Variants in ADRA1A observed in about 807,000 individuals in gnomAD.
ADRA1A encodes adrenoceptor alpha 1A, also known as alpha-1A adrenergic receptor.
A neutral mutation model predicts 29.6 loss-of-function variants in ADRA1A; 31 were observed. The observed-to-expected ratio is 1.05, with a 90% confidence interval of 0.79 to 1.41. The LOEUF (loss-of-function observed/expected upper bound fraction) is 1.41, where lower values mean the gene tolerates loss of function less well. ADRA1A is among the 40% of genes most tolerant of loss of function. The pLI is 0.00. For missense variants in ADRA1A, 619 were observed against 601.1 expected, an observed-to-expected ratio of 1.03 and a Z score of -0.31; for synonymous variants, 311 against 254.3, an observed-to-expected ratio of 1.22 and a Z score of -2.12.
chr8:26,859,079 C>A, intron 2 of ADRA1A: 1 of 1,283,950 alleles, frequency 7.8e-7, no homozygotes, highest in Non-Finnish European at 1.0e-6. Context: ...TTTCACTTCT[C>A]AGCTGTGGAT....
intron 2 of ADRA1A, among the ~76,000 whole-genome samples, chr8:26,811,255 C>G (rs1023371362): frequency 7.3e-5 from 11 of 151,626 alleles, no homozygotes; most frequent in Non-Finnish European, 1.6e-4. Flanking sequence ...TGCAGTGGCG[C>G]GATCTCGGCT....
Position 26,848,470 on chromosome 8 carries a change from G to A in ADRA1A, c.883+15617C>T, listed in dbSNP as rs1812378073. On this transcript the variant is annotated intron_variant, in intron 2 of 2. Transcript: ENST00000380573. This position sits in a 1 kb window ranked among gnomAD's most constrained non-coding sequence, Gnocchi z 4.3. ...CTCTCTCTCTCTCTCTCTTCATCAG[G>A]TGAGAATGCAGGGAGAAGGCAACCA... Among the ~76,000 whole-genome samples the A allele has an allele frequency of 6.6e-6, 1 of 152,140 alleles. No individual in the cohort carries two copies. Among genetic ancestry groups the A allele is most frequent in the African/African-American group, 2.4e-5 (1 of 41,442 alleles).
chr8:26,765,787 A>AC (rs1416959688), downstream of ADRA1A: 12 of 1,253,918 alleles, frequency 9.6e-6, no homozygotes, highest in Non-Finnish European at 1.2e-5. Flanking sequence ...TGGCCAAAGG[A>AC]CCTGAGCAGA....
chr8:26,830,225 A>T (rs1810877450), intron 2 of ADRA1A, among the ~76,000 whole-genome samples: 1 of 152,200 alleles, frequency 6.6e-6, no homozygotes, highest in Non-Finnish European at 1.5e-5. Context: ...GTAGACACAC[A>T]GGACTGGTAT....
At chr8:26,840,620 G>T (rs756810875) in intron 2 of ADRA1A, among the ~76,000 whole-genome samples, 6 of 149,456 alleles carry the variant, frequency 4.0e-5, no homozygotes, top group Admixed American at 6.7e-5. Flanking sequence ...TGTGGAATTT[G>T]GCAAAAGAAA....
chr8:26,838,510 G>A (rs1585803515), intron 2 of ADRA1A, among the ~76,000 whole-genome samples: 1 of 152,160 alleles, frequency 6.6e-6, no homozygotes, highest in African/African-American at 2.4e-5. Context: ...ACTTACTACT[G>A]TGCTTAGGCC....
intron 2 of ADRA1A, among the ~76,000 whole-genome samples, chr8:26,789,047 C>A (rs1301344838): frequency 6.6e-6 from 1 of 152,268 alleles, no homozygotes; most frequent in African/African-American, 2.4e-5. Flanking sequence ...ACACGTCATC[C>A]AGGTTCCAAG....
rs141672591 is a variant in ADRA1A, at chr8:26,850,025, C to CAAAAAAAAAAAACAAAAAACAAAAAACA, written c.883+14061_883+14062insTGTTTTTTGTTTTTTGTTTTTTTTTTTT. Among the ~76,000 whole-genome samples the CAAAAAAAAAAAACAAAAAACAAAAAACA allele has an allele frequency of 1.6e-5, 2 of 121,558 alleles. 1 individual carries two copies. The highest frequency in any genetic ancestry group is 6.4e-5 in the African/African-American group (2 of 31,252). The allele number at this position is 121,558 out of a possible 152,430, so 79.7% of individuals were successfully genotyped here. A position where few individuals can be genotyped will look rare whatever the true frequency, so the allele number is the denominator to read the frequency against. ...AAAAGTGACTAATGAGAGAGAAATGCAAAAACAAAAAACAAAAAACAAAAA... is the reference window on the plus strand; with the variant it reads ...AAAAGTGACTAATGAGAGAGAAATGCAAAAAAAAAAAACAAAAAACAAAAAACAAAAAACAAAAAACAAAAAACAAAAA... On this transcript the variant is annotated intron_variant, in intron 2 of 2. Coordinates refer to ENST00000380573, the MANE Select transcript of ADRA1A (RefSeq NM_000680.4).
chr8:26,805,901 C>G lies in ADRA1A; in HGVS notation c.884-35235G>C, dbSNP rs1808939672. ...GGCCCTTGATAAAGACACAGCTTAT[C>G]AGAGCCTGTGCCCCCTTCCCCCTAG... On this transcript the variant is annotated intron_variant, in intron 2 of 2. Transcript: ENST00000380573. This position sits in a 1 kb window ranked among gnomAD's most constrained non-coding sequence, Gnocchi z 4.8. Among the ~76,000 whole-genome samples the G allele has an allele frequency of 6.6e-6, 1 of 152,162 alleles. No individual in the cohort carries two copies. Among genetic ancestry groups the G allele is most frequent in the Non-Finnish European group, 1.5e-5 (1 of 68,024 alleles).
At chr8:26,771,005 C>T (rs1806103591) in intron 2 of ADRA1A, among the ~76,000 whole-genome samples, 1 of 152,132 alleles carries the variant, frequency 6.6e-6, no homozygotes, top group South Asian at 2.1e-4. Context: ...ATTGTTTTGC[C>T]TAAATTGAAA....
rs1371033586 is a variant in ADRA1A, at chr8:26,860,179, C to A, written c.883+3908G>T. On this transcript the variant is annotated intron_variant, in intron 2 of 2. Transcript: ENST00000380573. The surrounding 1 kb of genome is among the most constrained non-coding windows in gnomAD (Gnocchi z 4.7). ...CTGCTGACTCCCTGGGAGAGCAAAT[C>A]CAAGAGCGGGCTATGACTAGTCAGA... 6.6e-6 allele frequency among the ~76,000 whole-genome samples: 1 copy of A among 152,174 alleles called. No individual in the cohort carries two copies. The highest frequency in any genetic ancestry group is 2.4e-5 in the African/African-American group (1 of 41,436).
chr8:26,841,529 C>A lies in ADRA1A; in HGVS notation c.883+22558G>T, dbSNP rs1811817516. Among the ~76,000 whole-genome samples the A allele has an allele frequency of 6.6e-6, 1 of 152,188 alleles. No individual in the cohort carries two copies. Among genetic ancestry groups the A allele is most frequent in the East Asian group, 1.9e-4 (1 of 5,196 alleles). On this transcript the variant is annotated intron_variant, in intron 2 of 2. Transcript: ENST00000380573. The surrounding 1 kb of genome is among the most constrained non-coding windows in gnomAD (Gnocchi z 4.4). ...GAAAAAAACAAAAACAAAATTGGAC[C>A]CTTGGTGGAGCCCTTGATGGCGACA... is the stretch of plus-strand genomic sequence containing the variant.
At chr8:26,766,278 A>T, downstream of ADRA1A, 1 of 699,098 alleles carries the variant, frequency 1.4e-6, no homozygotes, top group South Asian at 1.7e-5. Flanking sequence ...GGTCATCAAT[A>T]ACTTCAATAC....
chr8:26,824,626 C>T lies in ADRA1A; in HGVS notation c.883+39461G>A, dbSNP rs2130614097. Among the ~76,000 whole-genome samples the T allele has an allele frequency of 1.3e-5, 2 of 152,258 alleles. 1 individual carries two copies. The highest frequency in any genetic ancestry group is 3.9e-4 in the East Asian group (2 of 5,186). ...GCCCCTCCCCCTTCCTCCCTTTTTG[C>T]TCAATGCCAGCATGCTCCCTTAAGC... On this transcript the variant is annotated intron_variant, in intron 2 of 2. Transcript: ENST00000380573.
At chr8:26,824,388 G>T (rs755477990) in intron 2 of ADRA1A, among the ~76,000 whole-genome samples, 97 of 152,166 alleles carry the variant, frequency 6.4e-4, no homozygotes, top group African/African-American at 2.3e-3. Flanking sequence ...GGGAAGCCAC[G>T]GTCAAGGCAG....
In ADRA1A at chr8:26,775,561, T is replaced by C. The variant is rs1478677798; in HGVS notation, c.884-4895A>G. Among the ~76,000 whole-genome samples the C allele has an allele frequency of 6.6e-6, 1 of 152,196 alleles. No individual in the cohort carries two copies. Among genetic ancestry groups the C allele is most frequent in the Non-Finnish European group, 1.5e-5 (1 of 68,034 alleles). On this transcript the variant is annotated intron_variant, in intron 2 of 2. Coordinates refer to ENST00000380573, the MANE Select transcript of ADRA1A (RefSeq NM_000680.4). The surrounding 1 kb of genome is among the most constrained non-coding windows in gnomAD (Gnocchi z 4.1). Reference sequence around the variant, plus strand: ...CTATGGTTTTCTCCTCAACAATCTCTGCTTCAAGAAGAGCCAACAGCTCCT... The same window carrying C: ...CTATGGTTTTCTCCTCAACAATCTCCGCTTCAAGAAGAGCCAACAGCTCCT...
At chr8:26,842,196 T>C (rs559842957) in intron 2 of ADRA1A, among the ~76,000 whole-genome samples, 1 of 152,356 alleles carries the variant, frequency 6.6e-6, no homozygotes, top group East Asian at 1.9e-4. Context: ...TATGGAGCTA[T>C]GGAGTACTTG....
At chr8:26,779,266 C>G in intron 2 of ADRA1A, 1 of 687,942 alleles carries the variant, frequency 1.5e-6, no homozygotes, top group Non-Finnish European at 2.6e-6. Context: ...CTTTTTTTTG[C>G]CTCTTACATT....
In ADRA1A at chr8:26,864,426, G is replaced by A. The variant is rs551511934; in HGVS notation, c.544C>T (p.Pro182Ser). The A allele has an allele frequency of 1.9e-6, 3 of 1,613,464 alleles. No homozygotes were observed. Among genetic ancestry groups the A allele is most frequent in the East Asian group, 2.2e-5 (1 of 44,870 alleles). ...AGCGCTGAGAAGAGCACGTAGCCCG[G>A]CTCCTCGTTGATCTGGCAGATGGTC... ...DETICQINEEPGYVLFSALGS... is the reference protein window; with the variant it reads ...DETICQINEESGYVLFSALGS... Residue 182 changes from proline (P) to serine (S), a missense_variant, in exon 2 of 3, where the codon CCG becomes TCG. Physicochemically the swap from Pro to Ser is moderately conservative, Grantham distance 74. Transcript: ENST00000380573. This position sits in a 1 kb window ranked among gnomAD's most constrained non-coding sequence, Gnocchi z 8.1.
Sources: allele counts gnomAD v4.1 joint callset (sites outside exome capture counted in the v4.1 genomes callset), GRCh38; gene constraint gnomAD v4.1.1; non-coding constraint Gnocchi (gnomAD v3.1); transcripts MANE v1.5; gene names NCBI Gene and HGNC (gene_info 2026-07-23, HGNC 2026-07-21).